Variants in INO80D observed in about 807,000 individuals in gnomAD.
The protein encoded by INO80D is INO80 complex subunit D.
INO80D carries 21 observed loss-of-function variants against 87.6 expected under a neutral mutation model. That is an observed-to-expected ratio of 0.24 (90% CI 0.17 to 0.35). INO80D has a LOEUF of 0.35. INO80D is among the 10% of genes least tolerant of loss of function. INO80D has a pLI of 1.00. For synonymous variants in INO80D, 440 were observed against 491.0 expected (o/e 0.90, Z 1.37); for missense variants, 982 against 1,280.7 (o/e 0.77, Z 3.56).
intron 8 of INO80D, among the ~76,000 whole-genome samples, chr2:206,016,969 C>T (rs1334553019): frequency 1.3e-5 from 2 of 152,128 alleles, no homozygotes; most frequent in African/African-American, 2.4e-5. Context: ...GTATGTCTTT[C>T]CCAGAGGCAT....
At position 206,066,946 on chromosome 2, in the gene INO80D, T is replaced by C. The variant is rs1689832419; in HGVS notation, c.-123-3702A>G. ...TCATGTAGTCACATAAAAAAGTTGA[T>C]CTCATAGAAGCTAAAAGTAGGCTGG... On this transcript the variant is annotated intron_variant, in intron 1 of 10. Coordinates refer to ENST00000403263, the MANE Select transcript of INO80D (RefSeq NM_017759.5). 3.0e-5 allele frequency among the ~76,000 whole-genome samples: 4 copies of C among 135,584 alleles called. 1 individual carries two copies. In the South Asian group the frequency reaches 8.7e-4, roughly 29 times the overall value. 88.9% of individuals were successfully genotyped at this position (135,584 alleles called of 152,430 possible). A position where few individuals can be genotyped will look rare whatever the true frequency, so the allele number is the denominator to read the frequency against.
rs1477120380 is a variant in INO80D at position 206,062,511 on chromosome 2, CT to C, written c.218+287del. On this transcript the variant is annotated intron_variant, in intron 3 of 10. Transcript: ENST00000403263. This position sits in a 1 kb window ranked among gnomAD's most constrained non-coding sequence, Gnocchi z 4.6. ...GCAGCAACTTTGAGGGAAAAAAAAT[CT>C]TTTAAAAATTCTAGAAGTCCATGAA... 6.6e-6 allele frequency among the ~76,000 whole-genome samples: 1 copy of C among 152,096 alleles called. No individual in the cohort carries two copies. Among genetic ancestry groups the C allele is most frequent in the South Asian group, 2.1e-4 (1 of 4,830 alleles).
intron 1 of INO80D, among the ~76,000 whole-genome samples, chr2:206,074,110 T>C (rs191483420): frequency 3.9e-5 from 6 of 152,292 alleles, no homozygotes; most frequent in African/African-American, 7.2e-5. Context: ...CATCTTCAGC[T>C]GTGGAGACAA....
chr2:206,004,047 G>A lies in INO80D; in HGVS notation c.*321C>T. ...GATCTGAATACTAGGAAATAGTAAA[G>A]GGCACTGGTATTCTGAGGTATCTTC... On this transcript the variant is annotated 3_prime_UTR_variant, in exon 11 of 11. Transcript: ENST00000403263. The surrounding 1 kb of genome is among the most constrained non-coding windows in gnomAD (Gnocchi z 4.9). 2.7e-6 allele frequency: 1 copy of A among 367,364 alleles called. No individual in the cohort carries two copies. Among genetic ancestry groups the A allele is most frequent in the South Asian group, 3.6e-5 (1 of 28,004 alleles). 22.8% of individuals were successfully genotyped at this position (367,364 alleles called of 1,614,324 possible).
intron 9 of INO80D, among the ~76,000 whole-genome samples, chr2:206,008,383 C>T (rs1167929495): frequency 6.6e-6 from 1 of 150,860 alleles, no homozygotes; most frequent in Non-Finnish European, 1.5e-5. Flanking sequence ...CGTGTTCCAG[C>T]GATTCTTCTG....
chr2:206,083,139 G>A (rs1014292996), intron 1 of INO80D, among the ~76,000 whole-genome samples: 5 of 152,150 alleles, frequency 3.3e-5, no homozygotes, highest in African/African-American at 1.2e-4. Context: ...CATCAAACCT[G>A]TCATTCCTTC....
chr2:206,056,802 C>A lies in INO80D; in HGVS notation c.360G>T (p.Leu120Phe). The A allele has an allele frequency of 6.2e-7, 1 of 1,612,510 alleles. No individual in the cohort carries two copies. Among genetic ancestry groups the A allele is most frequent in the Non-Finnish European group, 8.5e-7 (1 of 1,179,232 alleles). Residue 120 changes from leucine to phenylalanine, a missense_variant, in exon 4 of 11, where the codon TTG (leucine) becomes TTT (phenylalanine). Physicochemically the swap from Leu to Phe is conservative, Grantham distance 22. Transcript: ENST00000403263. Reference sequence around the variant, plus strand: ...TTCCATCCAGTCCGTTGGGCATCTTCAAGGCCAACGTGGGCACTGTCAGGC... The same window carrying A: ...TTCCATCCAGTCCGTTGGGCATCTTAAAGGCCAACGTGGGCACTGTCAGGC... ...AFSLTVPTLA[L>F]KMPNGLDGMS... is the part of the protein sequence containing the mutation.
At chr2:206,014,277 AC>A (rs1357716454) in intron 8 of INO80D, among the ~76,000 whole-genome samples, 2 of 152,352 alleles carry the variant, frequency 1.3e-5, no homozygotes, top group Admixed American at 6.5e-5. Context: ...ATTTTTCAAA[AC>A]ATATTGTCTG....
chr2:206,011,070 C>T (rs1292743203), intron 8 of INO80D, among the ~76,000 whole-genome samples: 1 of 135,588 alleles, frequency 7.4e-6, no homozygotes, highest in Non-Finnish European at 1.6e-5. Flanking sequence ...AAAAGCGAAA[C>T]TCAGTCTCAA....
chr2:206,066,255 C>CA (rs944026677), intron 1 of INO80D, among the ~76,000 whole-genome samples: 20 of 146,080 alleles, frequency 1.4e-4, no homozygotes, highest in South Asian at 4.3e-4. Context: ...GACGATGTCT[C>CA]AAAAAAAAAA....
At chr2:206,084,989 C>T (rs372459920) in intron 1 of INO80D, among the ~76,000 whole-genome samples, 4 of 152,254 alleles carry the variant, frequency 2.6e-5, no homozygotes, top group African/African-American at 9.6e-5. Context: ...TTAGCAGCCC[C>T]GAATGGGCTC....
rs1027440442 is a variant in INO80D at position 206,000,536 on chromosome 2, G to A, written c.*3832C>T. On this transcript the variant is annotated 3_prime_UTR_variant, in exon 11 of 11. Coordinates refer to ENST00000403263, the MANE Select transcript of INO80D (RefSeq NM_017759.5). ...CAGAAAGGTCAATTCTTTCATGTAA[G>A]AAGAAAACCGTATGGACAGGGCACC... 1 of 151,782 alleles carries A rather than the reference G, an allele frequency of 6.6e-6. No homozygotes were observed. The highest frequency in any genetic ancestry group is 1.5e-5 in the Non-Finnish European group (1 of 67,984). The allele number at this position is 151,782 out of a possible 1,614,324, so 9.4% of individuals were successfully genotyped here. A position where few individuals can be genotyped will look rare whatever the true frequency, so the allele number is the denominator to read the frequency against.
intron 1 of INO80D, among the ~76,000 whole-genome samples, chr2:206,065,266 C>T (rs1419374706): frequency 1.3e-5 from 2 of 151,980 alleles, no homozygotes; most frequent in South Asian, 2.1e-4. Flanking sequence ...GTCAGGAGCT[C>T]GAGACCAGCC....
chr2:206,048,624 C>T lies in INO80D; in HGVS notation c.965-2012G>A, dbSNP rs79908921. ...AGTCTTGTATCTTGGCCAGGTGCAC[C>T]GGCTCATGCTTGTAATCCCAGCAGT... On this transcript the variant is annotated intron_variant, in intron 4 of 10. Coordinates refer to ENST00000403263, the MANE Select transcript of INO80D (RefSeq NM_017759.5). Among the ~76,000 whole-genome samples the T allele has an allele frequency of 1.2e-3, 189 of 152,224 alleles. 1 individual carries two copies. Among genetic ancestry groups the T allele is most frequent in the East Asian group, 0.01 (52 of 5,180 alleles).
intron 5 of INO80D, among the ~76,000 whole-genome samples, chr2:206,032,978 C>A (rs554526836): frequency 2.6e-5 from 4 of 152,302 alleles, no homozygotes; most frequent in African/African-American, 7.2e-5. Context: ...AACGGTACCT[C>A]ATATTTCAAT....
At chr2:206,008,255 A>C (rs1688079990) in intron 9 of INO80D, among the ~76,000 whole-genome samples, 1 of 145,304 alleles carries the variant, frequency 6.9e-6, no homozygotes, top group Non-Finnish European at 1.5e-5. Context: ...AAGTGTTGGG[A>C]TTACAGGCAT....
intron 1 of INO80D, among the ~76,000 whole-genome samples, chr2:206,070,819 A>G (rs1007581716): frequency 1.3e-5 from 2 of 151,692 alleles, no homozygotes; most frequent in African/African-American, 4.8e-5. Context: ...TTTTTTATCT[A>G]CTGACTTTGT....
chr2:206,050,914 A>G (rs1409006982), intron 4 of INO80D, among the ~76,000 whole-genome samples: 2 of 152,062 alleles, frequency 1.3e-5, no homozygotes, highest in African/African-American at 2.4e-5. Context: ...GCTTGCAGTG[A>G]GCCGAGATCC....
At chr2:206,042,289 C>A (rs1342311040) in intron 5 of INO80D, among the ~76,000 whole-genome samples, 1 of 151,866 alleles carries the variant, frequency 6.6e-6, no homozygotes, top group Non-Finnish European at 1.5e-5. Flanking sequence ...ACCTTAAAAA[C>A]TACAAAAAGA....
Sources: allele counts gnomAD v4.1 joint callset (sites outside exome capture counted in the v4.1 genomes callset), GRCh38; gene constraint gnomAD v4.1.1; non-coding constraint Gnocchi (gnomAD v3.1); transcripts MANE v1.5; gene names NCBI Gene and HGNC (gene_info 2026-07-23, HGNC 2026-07-21).